TMTC4: variants seen among roughly 807,000 people sequenced by gnomAD.
The protein encoded by TMTC4 is transmembrane O-mannosyltransferase targeting cadherins 4.
Under a neutral mutation model 86.0 loss-of-function variants are expected in TMTC4, and 65 were observed. That is an observed-to-expected ratio of 0.76 (90% CI 0.62 to 0.93). TMTC4 has a LOEUF of 0.93. Ranked by LOEUF, TMTC4 falls within the 40% of genes least tolerant of loss-of-function variation. TMTC4 has a pLI of 0.00. For missense variants in TMTC4, 866 were observed against 948.1 expected (o/e 0.91, Z 1.14); for synonymous variants, 379 against 382.5 (o/e 0.99, Z 0.11).
chr13:100,667,055 T>A (rs754300722), intron 3 of TMTC4, among the ~76,000 whole-genome samples: 2 of 152,184 alleles, frequency 1.3e-5, no homozygotes, highest in African/African-American at 2.4e-5. Flanking sequence ...CTTTTAAGCA[T>A]GGTTTAAAAA....
At chr13:100,629,587 G>A (rs1881046522) in intron 12 of TMTC4, among the ~76,000 whole-genome samples, 2 of 152,146 alleles carry the variant, frequency 1.3e-5, no homozygotes, top group South Asian at 4.2e-4. Context: ...AGATGAGGGT[G>A]ACTGCTCGAG....
chr13:100,631,256 A>C (rs1026306800), intron 12 of TMTC4, among the ~76,000 whole-genome samples: 1 of 152,232 alleles, frequency 6.6e-6, no homozygotes. Flanking sequence ...TATGAAAGGC[A>C]CCTTTAATAC....
At chr13:100,655,269 C>T (rs1666414087) in intron 6 of TMTC4, among the ~76,000 whole-genome samples, 1 of 152,124 alleles carries the variant, frequency 6.6e-6, no homozygotes, top group African/African-American at 2.4e-5. Flanking sequence ...GTGATCTGCT[C>T]ACCTCAGCCT....
chr13:100,672,798 A>G (rs1283197), intron 1 of TMTC4, among the ~76,000 whole-genome samples: 92,081 of 152,012 alleles, frequency 0.61, 28,679 homozygotes, highest in East Asian at 0.97. Context: ...GGCCTCCACC[A>G]TTTTTTACAG....
chr13:100,636,389 C>T, intron 10 of TMTC4, 143 bp downstream of exon 10: 1 of 1,013,352 alleles, frequency 9.9e-7, no homozygotes, highest in Non-Finnish European at 1.4e-6. Flanking sequence ...ATGGATGGAA[C>T]TCATCCTAGC....
intron 15 of TMTC4, among the ~76,000 whole-genome samples, chr13:100,619,248 G>T (rs2138758116): frequency 6.6e-6 from 1 of 152,100 alleles, no homozygotes; most frequent in East Asian, 1.9e-4. Flanking sequence ...GGCGGTTGTT[G>T]CTTCTTTTGA....
intron 15 of TMTC4, among the ~76,000 whole-genome samples, chr13:100,619,758 A>T (rs1046774076): frequency 6.6e-6 from 1 of 152,222 alleles, no homozygotes; most frequent in African/African-American, 2.4e-5. Flanking sequence ...AATGAAAATA[A>T]TGCGATGCTT....
chr13:100,654,222 C>T lies in TMTC4; in HGVS notation c.640+2159G>A, dbSNP rs141289211. Among the ~76,000 whole-genome samples the T allele has an allele frequency of 3.7e-4, 57 of 152,208 alleles. 1 individual carries two copies. The East Asian group carries it at 6.9e-3, about 19-fold the overall frequency. On this transcript the variant is annotated intron_variant, in intron 6 of 18. Transcript: ENST00000342624. ...CTTTCTATGGAAGCCACATCTACCA[C>T]TGCTATCGGTTTGCAAATGCAAAAA...
intron 6 of TMTC4, among the ~76,000 whole-genome samples, chr13:100,654,307 CT>C (rs1419267196): frequency 6.6e-6 from 1 of 152,168 alleles, no homozygotes; most frequent in Non-Finnish European, 1.5e-5. Flanking sequence ...CTCATAATTT[CT>C]TTCCAATTTT....
chr13:100,617,075 T>C (rs1042986560), intron 15 of TMTC4, among the ~76,000 whole-genome samples: 2 of 152,236 alleles, frequency 1.3e-5, no homozygotes, highest in African/African-American at 4.8e-5. Flanking sequence ...TCATCATCAA[T>C]TCTTTCCCAG....
intron 17 of TMTC4, among the ~76,000 whole-genome samples, chr13:100,610,234 G>C (rs1877345620): frequency 6.6e-6 from 1 of 152,194 alleles, no homozygotes; most frequent in Admixed American, 6.5e-5. Flanking sequence ...TGTTCACCCA[G>C]CCCTGCGACT....
At chr13:100,610,573 G>T (rs1281897774) in intron 17 of TMTC4, among the ~76,000 whole-genome samples, 1 of 152,132 alleles carries the variant, frequency 6.6e-6, no homozygotes, top group Non-Finnish European at 1.5e-5. Context: ...CAGTGCTTTG[G>T]CCTTGATAAT....
rs1883459732 is a variant in TMTC4, at chr13:100,644,486, GGCTCTCAATGAACCATGA to G, written c.641-2193_641-2176del. Among the ~76,000 whole-genome samples, 5 of 152,214 alleles carry G rather than the reference GGCTCTCAATGAACCATGA, an allele frequency of 3.3e-5. No homozygotes were observed. The South Asian group carries it at 1.0e-3, about 32-fold the overall frequency. On this transcript the variant is annotated intron_variant, in intron 6 of 18. Coordinates refer to ENST00000342624, the MANE Select transcript of TMTC4 (RefSeq NM_032813.5). The stretch of plus-strand genomic sequence containing the variant: ...AAGGCCTGTCCCCAGCTGGGCCCCT[GGCTCTCAATGAACCATGA>G]GCAGGACTAACTCCTGATGTGCCCA...
intron 5 of TMTC4, 47 bp downstream of exon 5, chr13:100,662,917 T>C (rs768628873): frequency 3.7e-6 from 6 of 1,601,674 alleles, no homozygotes; most frequent in Non-Finnish European, 4.3e-6. Context: ...GGGGGTGTCA[T>C]ATCGCTTCTC....
intron 15 of TMTC4, among the ~76,000 whole-genome samples, chr13:100,623,094 T>C (rs562400338): frequency 1.3e-5 from 2 of 152,344 alleles, no homozygotes; most frequent in South Asian, 4.1e-4. Flanking sequence ...GTCAGTGTTT[T>C]CTAGGATTGT....
intron 7 of TMTC4, among the ~76,000 whole-genome samples, chr13:100,641,778 C>T (rs1442995603): frequency 1.3e-5 from 2 of 152,154 alleles, no homozygotes; most frequent in Non-Finnish European, 2.9e-5. Context: ...TGAGCCATGG[C>T]GCCCGGCCCT....
chr13:100,646,731 A>T (rs1330596547), intron 6 of TMTC4, among the ~76,000 whole-genome samples: 1 of 152,218 alleles, frequency 6.6e-6, no homozygotes, highest in Non-Finnish European at 1.5e-5. Flanking sequence ...CCATCAAGCA[A>T]ACTAAGGATC....
chr13:100,623,202 G>C (rs971162186), intron 15 of TMTC4, among the ~76,000 whole-genome samples: 3 of 152,202 alleles, frequency 2.0e-5, no homozygotes, highest in Non-Finnish European at 4.4e-5. Flanking sequence ...CAGGTTACTG[G>C]AATCACCTGG....
At chr13:100,657,833 G>A (rs1047983457) in intron 5 of TMTC4, among the ~76,000 whole-genome samples, 2 of 152,162 alleles carry the variant, frequency 1.3e-5, no homozygotes, top group Non-Finnish European at 2.9e-5. Flanking sequence ...TGTCTTTTAG[G>A]AGCAGATTCC....
Sources: gnomAD v4.1 joint callset for allele counts (sites outside exome capture counted in the v4.1 genomes callset) on GRCh38, gnomAD v4.1.1 for gene constraint, MANE v1.5 for transcripts, NCBI Gene and HGNC (gene_info 2026-07-23, HGNC 2026-07-21) for gene names.